Variants in LINGO2 observed in about 807,000 individuals in gnomAD.
The protein encoded by LINGO2 is leucine rich repeat and Ig domain containing 2, also known as leucine-rich repeat and immunoglobulin-like domain-containing nogo receptor-interacting protein 2.
A neutral mutation model predicts 30.6 loss-of-function variants in LINGO2; 14 were observed. That is an observed-to-expected ratio of 0.46 (90% CI 0.30 to 0.72). The LOEUF is 0.72. Among genes scored for constraint, LINGO2 ranks in the 30% least tolerant of loss-of-function variants. The probability of loss-of-function intolerance (pLI) is 0.07; values close to 1 mark genes in which losing one functional copy is unlikely to be tolerated. For synonymous variants in LINGO2, 317 were observed against 288.5 expected, an observed-to-expected ratio of 1.10 and a Z score of -1.00; for missense variants, 729 against 751.7, an observed-to-expected ratio of 0.97 and a Z score of 0.35.
chr9:28,497,938 G>T (rs191174270), intron 1 of LINGO2, among the ~76,000 whole-genome samples: 1 of 152,308 alleles, frequency 6.6e-6, no homozygotes, highest in Admixed American at 6.5e-5. Context: ...GACCCTGTTT[G>T]CCTGGGTATC....
chr9:29,069,768 C>T, the LINGO2 span, among the ~76,000 whole-genome samples: 1 of 152,014 alleles, frequency 6.6e-6, no homozygotes, highest in Non-Finnish European at 1.5e-5. Context: ...ATAAGAGATA[C>T]TTTGAGAAGG....
intron 2 of LINGO2, among the ~76,000 whole-genome samples, chr9:28,440,705 C>A (rs1824155847): frequency 6.6e-6 from 1 of 151,882 alleles, no homozygotes; most frequent in African/African-American, 2.4e-5. Flanking sequence ...CTATGACTAC[C>A]CTATGAAGTA....
At chr9:27,996,840 G>T (rs1426223165) in intron 5 of LINGO2, among the ~76,000 whole-genome samples, 1 of 152,138 alleles carries the variant, frequency 6.6e-6, no homozygotes, top group Non-Finnish European at 1.5e-5. Flanking sequence ...CACATTGTAT[G>T]CTTGTAGCAA....
At position 28,535,725 on chromosome 9, in the gene LINGO2, C is replaced by T. The variant is rs551823953; in HGVS notation, c.-364-59700G>A. 4.6e-4 allele frequency among the ~76,000 whole-genome samples: 64 copies of T among 139,968 alleles called. 1 individual carries two copies. The South Asian group carries it at 0.011, about 25-fold the overall frequency. The allele number at this position is 139,968 out of a possible 152,430, so 91.8% of individuals were successfully genotyped here. On this transcript the variant is annotated intron_variant, in intron 1 of 5. Coordinates refer to ENST00000379992, the Ensembl canonical transcript of LINGO2. ...ATGCACACACACACACACGTGTGGA[C>T]GCACACACACACACACACACGGAGC... is the stretch of plus-strand genomic sequence containing the variant.
intron 4 of LINGO2, among the ~76,000 whole-genome samples, chr9:28,242,377 T>C (rs555147437): frequency 2.0e-5 from 3 of 151,540 alleles, no homozygotes; most frequent in Non-Finnish European, 1.5e-5. Flanking sequence ...AGTATCAGAG[T>C]TGGAAGACTA....
chr9:28,083,605 T>C (rs565930287), intron 4 of LINGO2, among the ~76,000 whole-genome samples: 1 of 152,246 alleles, frequency 6.6e-6, no homozygotes, highest in South Asian at 2.1e-4. Flanking sequence ...GGCCACATAA[T>C]GGTTCAATAA....
chr9:28,407,760 C>T (rs1564180249), intron 2 of LINGO2, among the ~76,000 whole-genome samples: 1 of 152,108 alleles, frequency 6.6e-6, no homozygotes, highest in African/African-American at 2.4e-5. Context: ...TAACCTTTTC[C>T]TTACATTATA....
At chr9:29,069,025 C>T in the LINGO2 span, among the ~76,000 whole-genome samples, 4 of 151,728 alleles carry the variant, frequency 2.6e-5, no homozygotes, top group African/African-American at 9.7e-5. Context: ...GTTTTGCATT[C>T]AGTTGTTGAG....
At chr9:29,107,537 AT>A in the LINGO2 span, among the ~76,000 whole-genome samples, 2 of 152,090 alleles carry the variant, frequency 1.3e-5, no homozygotes, top group Non-Finnish European at 2.9e-5. Flanking sequence ...GCCCAAAATG[AT>A]TGTCTTTTAA....
In LINGO2 at chr9:28,657,417, C is replaced by T. The variant is rs1279742031; in HGVS notation, c.-365+12783G>A. ...TTTCCTTGAGAAGGTTTTGATTACACATTTAATATCTTTACTAATTACAGG... is the reference window on the plus strand; with the variant it reads ...TTTCCTTGAGAAGGTTTTGATTACATATTTAATATCTTTACTAATTACAGG... On this transcript the variant is annotated intron_variant, in intron 1 of 5. Coordinates refer to ENST00000379992, the Ensembl canonical transcript of LINGO2. Among the ~76,000 whole-genome samples, 3 of 152,044 alleles carry T rather than the reference C, an allele frequency of 2.0e-5. No homozygotes were observed. The East Asian group carries it at 5.8e-4, about 29-fold the overall frequency.
chr9:28,750,253 G>T, the LINGO2 span, among the ~76,000 whole-genome samples: 2 of 152,226 alleles, frequency 1.3e-5, no homozygotes, highest in East Asian at 3.9e-4. Context: ...GAGAGTAGAA[G>T]AATTTCATTT....
At chr9:28,442,296 C>T (rs1198470145) in intron 2 of LINGO2, among the ~76,000 whole-genome samples, 6 of 151,764 alleles carry the variant, frequency 4.0e-5, no homozygotes, top group African/African-American at 1.5e-4. Flanking sequence ...CGAAATCCTA[C>T]CACCAAGACA....
rs184697167 is a variant in LINGO2, at chr9:28,291,608, G to A, written c.-87+3600C>T. Among the ~76,000 whole-genome samples the A allele has an allele frequency of 6.6e-5, 10 of 152,274 alleles. No individual in the cohort carries two copies. The East Asian group carries it at 1.7e-3, about 26-fold the overall frequency. Reference sequence around the variant, plus strand: ...TACAAATTTTATAGGCTTAACTGCAGGAGAAAGGATGAATGAATTTGAAGC... The same window carrying A: ...TACAAATTTTATAGGCTTAACTGCAAGAGAAAGGATGAATGAATTTGAAGC... On this transcript the variant is annotated intron_variant, in intron 4 of 5. Transcript: ENST00000379992.
intron 5 of LINGO2, among the ~76,000 whole-genome samples, chr9:27,972,485 C>T (rs537738027): frequency 1.3e-5 from 2 of 152,336 alleles, no homozygotes; most frequent in Non-Finnish European, 2.9e-5. Context: ...CCAACAACCT[C>T]AGTCCGTCAT....
At chr9:28,373,509 T>C (rs1222153471) in intron 2 of LINGO2, among the ~76,000 whole-genome samples, 1 of 152,194 alleles carries the variant, frequency 6.6e-6, no homozygotes, top group Admixed American at 6.5e-5. Context: ...GATAATGCTG[T>C]ATTTACCCAA....
chr9:29,191,163 C>T, the LINGO2 span, among the ~76,000 whole-genome samples: 1 of 152,098 alleles, frequency 6.6e-6, no homozygotes, highest in African/African-American at 2.4e-5. Flanking sequence ...GAAAATAGGA[C>T]ACCTGATAAA....
intron 1 of LINGO2, among the ~76,000 whole-genome samples, chr9:28,643,658 CAAGT>C (rs1468813860): frequency 6.6e-6 from 1 of 151,658 alleles, no homozygotes; most frequent in Non-Finnish European, 1.5e-5. Context: ...CAAGCACAGA[CAAGT>C]AAGGAAAATA....
intron 4 of LINGO2, among the ~76,000 whole-genome samples, chr9:28,046,324 C>T (rs1487135122): frequency 6.6e-6 from 1 of 152,152 alleles, no homozygotes; most frequent in Non-Finnish European, 1.5e-5. Flanking sequence ...CAGTCTTAGC[C>T]TGTATCAGAA....
chr9:28,397,702 C>A (rs576222296), intron 2 of LINGO2, among the ~76,000 whole-genome samples: 1 of 151,842 alleles, frequency 6.6e-6, no homozygotes, highest in Non-Finnish European at 1.5e-5. Context: ...TGCCCGCCAC[C>A]ACGCCCAGCT....
Sources: allele counts gnomAD v4.1 joint callset (sites outside exome capture counted in the v4.1 genomes callset), GRCh38; gene constraint gnomAD v4.1.1; transcripts MANE v1.5; gene names NCBI Gene and HGNC (gene_info 2026-07-23, HGNC 2026-07-21).